The following CNTLN variants were observed in gnomAD, a reference collection of about 807,000 sequenced individuals.
The protein encoded by CNTLN is centlein, centrosomal protein.
In CNTLN, 212 loss-of-function variants were observed where a neutral mutation model predicts 180.0. That is an observed-to-expected ratio of 1.18 (90% CI 1.05 to 1.32). The LOEUF (loss-of-function observed/expected upper bound fraction) is 1.32. CNTLN is among the 40% of genes most tolerant of loss of function. CNTLN has a pLI of 0.00. For synonymous variants in CNTLN, 722 were observed against 563.1 expected, an observed-to-expected ratio of 1.28 and a Z score of -3.99; for missense variants, 2,095 against 1,610.9, an observed-to-expected ratio of 1.30 and a Z score of -5.14.
intron 18 of CNTLN, among the ~76,000 whole-genome samples, chr9:17,439,193 A>G (rs1172745682): frequency 2.0e-5 from 3 of 152,182 alleles, no homozygotes; most frequent in African/African-American, 2.4e-5. Flanking sequence ...TAATTCATGT[A>G]TTGATAATAT....
intron 8 of CNTLN, among the ~76,000 whole-genome samples, chr9:17,325,561 A>ACG (rs1438186646): frequency 1.4e-5 from 2 of 139,450 alleles, no homozygotes; most frequent in East Asian, 4.0e-4. Context: ...TTTATTACAC[A>ACG]CACACACACA....
intron 16 of CNTLN, among the ~76,000 whole-genome samples, chr9:17,409,930 A>G (rs1827711637): frequency 6.6e-6 from 1 of 152,138 alleles, no homozygotes. Context: ...CTGATACATC[A>G]TGGCACCAAA....
chr9:17,494,869 T>C, intron 25 of CNTLN: 1 of 406,534 alleles, frequency 2.5e-6, no homozygotes, highest in Admixed American at 3.2e-5. Context: ...GTATTTACTA[T>C]ACCATACTTT....
At chr9:17,399,488 T>C (rs377220804) in intron 15 of CNTLN, among the ~76,000 whole-genome samples, 12 of 152,216 alleles carry the variant, frequency 7.9e-5, no homozygotes, top group African/African-American at 1.9e-4. Flanking sequence ...TTCAAAATTA[T>C]TTTACAAGAA....
At chr9:17,308,391 C>T (rs556205589) in intron 7 of CNTLN, among the ~76,000 whole-genome samples, 1 of 152,140 alleles carries the variant, frequency 6.6e-6, no homozygotes, top group South Asian at 2.1e-4. Context: ...TATTGAAGAG[C>T]CTTTACATTC....
chr9:17,385,819 G>C (rs938683923), intron 13 of CNTLN, among the ~76,000 whole-genome samples: 1 of 151,874 alleles, frequency 6.6e-6, no homozygotes, highest in African/African-American at 2.4e-5. Context: ...ATGTGCATAG[G>C]TTATTTGCAA....
chr9:17,329,281 C>T (rs942988554), intron 8 of CNTLN, among the ~76,000 whole-genome samples: 5 of 151,566 alleles, frequency 3.3e-5, no homozygotes, highest in Admixed American at 6.6e-5. Context: ...GCTTGGCAGC[C>T]CAACCAAAGG....
chr9:17,261,443 A>G (rs1235462038), intron 5 of CNTLN, among the ~76,000 whole-genome samples: 1 of 151,334 alleles, frequency 6.6e-6, no homozygotes, highest in Non-Finnish European at 1.5e-5. Context: ...GCTATTGTAA[A>G]TGGGATTGTG....
At chr9:17,400,839 A>G (rs146836260) in intron 15 of CNTLN, among the ~76,000 whole-genome samples, 55 of 152,310 alleles carry the variant, frequency 3.6e-4, no homozygotes, top group African/African-American at 1.1e-3. Context: ...CTGCAATCAA[A>G]CAGTGTAGTC....
chr9:17,211,638 C>T (rs1260767904), intron 2 of CNTLN, among the ~76,000 whole-genome samples: 1 of 152,072 alleles, frequency 6.6e-6, no homozygotes, highest in Non-Finnish European at 1.5e-5. Context: ...CTATAAATTA[C>T]CTTGGGCAGT....
At chr9:17,359,217 C>G (rs972403595) in intron 12 of CNTLN, among the ~76,000 whole-genome samples, 1 of 151,906 alleles carries the variant, frequency 6.6e-6, no homozygotes, top group African/African-American at 2.4e-5. Flanking sequence ...TAGGGTTATG[C>G]CATGTTGCCC....
At chr9:17,467,770 T>A (rs1433845261) in intron 23 of CNTLN, among the ~76,000 whole-genome samples, 1 of 151,584 alleles carries the variant, frequency 6.6e-6, no homozygotes, top group African/African-American at 2.4e-5. Context: ...TCATTAAATA[T>A]TGTGACTTAT....
At chr9:17,516,602 C>A in the CNTLN span, among the ~76,000 whole-genome samples, 1 of 151,994 alleles carries the variant, frequency 6.6e-6, no homozygotes, top group Admixed American at 6.6e-5. Flanking sequence ...TTCTTCTTGG[C>A]CCCCCCTGGA....
chr9:17,288,139 G>A (rs1405631115), intron 6 of CNTLN, among the ~76,000 whole-genome samples: 1 of 127,546 alleles, frequency 7.8e-6, no homozygotes, highest in Non-Finnish European at 1.6e-5. Flanking sequence ...TCTCTTGTGG[G>A]CATTTAGTGC....
At chr9:17,501,347 C>A (rs1385309502) in intron 25 of CNTLN, among the ~76,000 whole-genome samples, 1 of 152,186 alleles carries the variant, frequency 6.6e-6, no homozygotes, top group East Asian at 1.9e-4. Context: ...GGGTCTGAGG[C>A]AGTTTTCTGG....
At chr9:17,389,965 T>G (rs1825968801) in intron 14 of CNTLN, among the ~76,000 whole-genome samples, 1 of 151,868 alleles carries the variant, frequency 6.6e-6, no homozygotes, top group Admixed American at 6.6e-5. Flanking sequence ...AAAAAGGAAA[T>G]TAGAATACAG....
chr9:17,353,792 G>A (rs1042614754), intron 12 of CNTLN, among the ~76,000 whole-genome samples: 1 of 152,024 alleles, frequency 6.6e-6, no homozygotes, highest in Non-Finnish European at 1.5e-5. Context: ...CAGAGCCCTC[G>A]CTTGCTCTCC....
At chr9:17,215,773 C>T (rs919915685) in intron 2 of CNTLN, among the ~76,000 whole-genome samples, 9 of 152,116 alleles carry the variant, frequency 5.9e-5, no homozygotes, top group African/African-American at 1.4e-4. Flanking sequence ...TCTCCAGCCT[C>T]GCTGCCACCT....
chr9:17,187,589 G>C (rs1367267574), intron 2 of CNTLN, among the ~76,000 whole-genome samples: 1 of 151,714 alleles, frequency 6.6e-6, no homozygotes, highest in Admixed American at 6.6e-5. Flanking sequence ...TATAAAAGTT[G>C]GATCATGTTT....
Sources: allele counts gnomAD v4.1 joint callset (sites outside exome capture counted in the v4.1 genomes callset), GRCh38; gene constraint gnomAD v4.1.1; transcripts MANE v1.5; gene names NCBI Gene and HGNC (gene_info 2026-07-23, HGNC 2026-07-21).